The following ATP9B variants were observed in gnomAD, a reference collection of about 807,000 sequenced individuals.
The protein encoded by ATP9B is probable phospholipid-transporting ATPase IIB.
A neutral mutation model predicts 146.1 loss-of-function variants in ATP9B; 110 were observed. The observed-to-expected ratio is 0.75, with a 90% CI of 0.65 to 0.88. The LOEUF is 0.88. Among genes scored for constraint, ATP9B ranks in the 40% least tolerant of loss-of-function variants. The pLI, the probability that ATP9B is intolerant of heterozygous loss-of-function variation, is 0.00. For missense variants in ATP9B, 1,499 were observed against 1,496.4 expected (o/e 1.00, Z -0.03); for synonymous variants, 604 against 569.7 (o/e 1.06, Z -0.86).
At chr18:79,118,129 T>G (rs749173190) in intron 4 of ATP9B, among the ~76,000 whole-genome samples, 7 of 151,200 alleles carry the variant, frequency 4.6e-5, no homozygotes, top group Non-Finnish European at 7.4e-5. Flanking sequence ...TTGGGGTCGT[T>G]TCTCATTTTT....
chr18:79,072,908 C>CCAGACA (rs1237351419), intron 1 of ATP9B, among the ~76,000 whole-genome samples: 1 of 151,324 alleles, frequency 6.6e-6, no homozygotes, highest in Non-Finnish European at 1.5e-5. Flanking sequence ...TCCTCACCTC[C>CCAGACA]CAGACAGGGC....
chr18:79,375,982 A>G, intron 29 of ATP9B: 1 of 985,312 alleles, frequency 1.0e-6, no homozygotes, highest in Non-Finnish European at 1.2e-6. Context: ...CATTAGCAGT[A>G]CAGCTTGGTC....
chr18:79,244,483 G>A (rs1599224040), intron 11 of ATP9B, among the ~76,000 whole-genome samples: 1 of 152,158 alleles, frequency 6.6e-6, no homozygotes, highest in East Asian at 1.9e-4. Context: ...TTGAAGGAAA[G>A]ACAGACCTTG....
chr18:79,365,029 C>CAAA, intron 26 of ATP9B, among the ~76,000 whole-genome samples: 2 of 145,100 alleles, frequency 1.4e-5, no homozygotes, highest in African/African-American at 5.1e-5. Flanking sequence ...GACCTTGTCT[C>CAAA]AAAAAAAAAA....
intron 11 of ATP9B, among the ~76,000 whole-genome samples, chr18:79,216,844 T>C (rs1226805697): frequency 6.6e-6 from 1 of 152,254 alleles, no homozygotes; most frequent in Non-Finnish European, 1.5e-5. Context: ...GCTTACCATG[T>C]TAGCTTTTCA....
At chr18:79,360,094 A>T (rs2096978791) in intron 26 of ATP9B, 1 of 154,910 alleles carries the variant, frequency 6.5e-6, no homozygotes, top group South Asian at 2.0e-4. Flanking sequence ...TGTTAGGATT[A>T]AAGGAGGCTT....
intron 26 of ATP9B, chr18:79,361,659 GAGCCACTAAAGTTAATTTAGTT>G: frequency 2.2e-6 from 1 of 445,272 alleles, no homozygotes; most frequent in Non-Finnish European, 3.0e-6. Context: ...CTAAAGTACT[GAGCCACTAAAGTTAATTTAGTT>G]ATTTTTTCTT....
chr18:79,131,807 A>G (rs1392265887), intron 5 of ATP9B, among the ~76,000 whole-genome samples: 3 of 152,254 alleles, frequency 2.0e-5, no homozygotes, highest in Admixed American at 6.5e-5. Context: ...GCTACATGCT[A>G]CAACCTGGAT....
intron 4 of ATP9B, among the ~76,000 whole-genome samples, chr18:79,114,794 T>G (rs1054242868): frequency 6.6e-6 from 1 of 152,142 alleles, no homozygotes; most frequent in African/African-American, 2.4e-5. Context: ...GCTCCCCCAT[T>G]AGTGTGCATA....
In ATP9B at chr18:79,237,557, ATAATATT is replaced by A. The variant is rs2095853091; in HGVS notation, c.1108-15823_1108-15817del. Reference sequence around the variant, plus strand: ...AGATCTTCAGAGATAATTAATTTTTATAATATTAAGTCTTTTAGTCAACGAATATTGT... The same window carrying A: ...AGATCTTCAGAGATAATTAATTTTTAAAGTCTTTTAGTCAACGAATATTGT... On this transcript the variant is annotated intron_variant, in intron 11 of 29. Transcript: ENST00000426216. Among the ~76,000 whole-genome samples, 3 of 152,350 alleles carry A rather than the reference ATAATATT, an allele frequency of 2.0e-5. No homozygotes were observed. The South Asian group carries it at 6.2e-4, about 32-fold the overall frequency.
intron 10 of ATP9B, among the ~76,000 whole-genome samples, chr18:79,210,550 C>G (rs1479784730): frequency 6.6e-6 from 1 of 152,184 alleles, no homozygotes; most frequent in East Asian, 1.9e-4. Context: ...AGTCTGTGCA[C>G]CAGTTTTGGT....
At chr18:79,359,651 G>C in intron 26 of ATP9B, 189 bp downstream of exon 26, 1 of 570,730 alleles carries the variant, frequency 1.8e-6, no homozygotes, top group South Asian at 2.1e-5. Context: ...ACTTCAAAAG[G>C]GGAAAAACAT....
intron 6 of ATP9B, among the ~76,000 whole-genome samples, chr18:79,149,161 A>G (rs369548332): frequency 6.6e-6 from 1 of 152,220 alleles, no homozygotes. Flanking sequence ...TTTTAAAGAC[A>G]TAGATCATCT....
chr18:79,282,999 T>A (rs901303190), intron 13 of ATP9B, among the ~76,000 whole-genome samples: 3 of 152,240 alleles, frequency 2.0e-5, no homozygotes, highest in African/African-American at 7.2e-5. Context: ...TGAAAGCAGC[T>A]GGTTTTGCCC....
At chr18:79,071,920 A>T in intron 1 of ATP9B, among the ~76,000 whole-genome samples, 1 of 136,004 alleles carries the variant, frequency 7.4e-6, no homozygotes. Context: ...TTTCGAATAA[A>T]TTTAGGGAGT....
intron 1 of ATP9B, among the ~76,000 whole-genome samples, chr18:79,092,408 T>C (rs752353643): frequency 6.6e-5 from 10 of 152,076 alleles, no homozygotes; most frequent in Non-Finnish European, 1.5e-4. Flanking sequence ...TAAAATACAG[T>C]ATAAAACATA....
chr18:79,250,021 T>C (rs1005208710), intron 11 of ATP9B, among the ~76,000 whole-genome samples: 1 of 152,148 alleles, frequency 6.6e-6, no homozygotes, highest in African/African-American at 2.4e-5. Flanking sequence ...TTTAAAGGGG[T>C]TGGGAGAAGA....
chr18:79,109,292 G>T (rs1211389727), intron 2 of ATP9B, among the ~76,000 whole-genome samples: 1 of 152,070 alleles, frequency 6.6e-6, no homozygotes, highest in African/African-American at 2.4e-5. Context: ...ATTATTTTGT[G>T]CTTAAAAGAG....
chr18:79,217,904 G>C (rs1011368692), intron 11 of ATP9B, among the ~76,000 whole-genome samples: 9 of 152,194 alleles, frequency 5.9e-5, no homozygotes, highest in Admixed American at 3.9e-4. Flanking sequence ...TCTTCAGGTA[G>C]CAAAAATGTT....
Sources: gnomAD v4.1 joint callset for allele counts (sites outside exome capture counted in the v4.1 genomes callset) on GRCh38, gnomAD v4.1.1 for gene constraint, MANE v1.5 for transcripts, NCBI Gene and HGNC (gene_info 2026-07-23, HGNC 2026-07-21) for gene names.